KLF15: variants seen among roughly 807,000 people sequenced by gnomAD.
KLF15 encodes the protein KLF transcription factor 15.
A neutral mutation model predicts 24.6 loss-of-function variants in KLF15; 4 were observed. The observed-to-expected ratio is 0.16, with a 90% confidence interval of 0.08 to 0.37. The LOEUF is 0.37. Among genes scored for constraint, KLF15 ranks in the 10% least tolerant of loss-of-function variants. KLF15 has a pLI of 1.00. For synonymous variants in KLF15, 246 were observed against 236.3 expected (o/e 1.04, Z -0.37); for missense variants, 496 against 560.6 (o/e 0.88, Z 1.16).
intron 2 of KLF15, among the ~76,000 whole-genome samples, chr3:126,346,304 C>G (rs1193135232): frequency 6.6e-6 from 1 of 151,746 alleles, no homozygotes; most frequent in Non-Finnish European, 1.5e-5. Flanking sequence ...CTGGGGTCAC[C>G]CAGCATCTCA....
Position 126,343,721 on chromosome 3 carries a change from G to T in KLF15, c.*6C>A. 1 of 1,609,346 alleles carries T rather than the reference G, an allele frequency of 6.2e-7. No individual in the cohort carries two copies. Among genetic ancestry groups the T allele is most frequent in the Non-Finnish European group, 8.5e-7 (1 of 1,178,802 alleles). Reference sequence around the variant, plus strand: ...GGTGACGGACAGGCTGGGGTTCAGGGCGCTTTCAGTTCACGGAGCGCACGG... The same window carrying T: ...GGTGACGGACAGGCTGGGGTTCAGGTCGCTTTCAGTTCACGGAGCGCACGG... On this transcript the variant is annotated 3_prime_UTR_variant, in exon 3 of 3. Coordinates refer to ENST00000296233, the MANE Select transcript of KLF15 (RefSeq NM_014079.4).
the KLF15 span, among the ~76,000 whole-genome samples, chr3:126,301,537 C>A: frequency 6.6e-6 from 1 of 152,030 alleles, no homozygotes; most frequent in South Asian, 2.1e-4. Flanking sequence ...CACTCTCTCA[C>A]CCTCTCTGTT....
rs1031541915 is a variant in KLF15, at chr3:126,356,474, C to G, written c.-26+763G>C. Reference sequence around the variant, plus strand: ...ATGGGATGGGGACGGCCTCTCTGCCCCGCCGCCGCCATCCCTCGGTCAGGC... The same window carrying G: ...ATGGGATGGGGACGGCCTCTCTGCCGCGCCGCCGCCATCCCTCGGTCAGGC... On this transcript the variant is annotated intron_variant, in intron 1 of 2. Coordinates refer to ENST00000296233, the MANE Select transcript of KLF15 (RefSeq NM_014079.4). The surrounding 1 kb of genome is among the most constrained non-coding windows in gnomAD (Gnocchi z 4.4). Among the ~76,000 whole-genome samples the G allele has an allele frequency of 1.3e-5, 2 of 152,128 alleles. No individual in the cohort carries two copies.
At chr3:126,318,562 C>T in the KLF15 span, among the ~76,000 whole-genome samples, 54 of 152,142 alleles carry the variant, frequency 3.5e-4, no homozygotes, top group African/African-American at 1.2e-3. Context: ...CAGTGTTGGC[C>T]GACACGTGGC....
chr3:126,320,595 A>G, the KLF15 span, among the ~76,000 whole-genome samples: 1 of 152,238 alleles, frequency 6.6e-6, no homozygotes, highest in Non-Finnish European at 1.5e-5. Flanking sequence ...AGATGCACAC[A>G]CGAGCACACT....
At chr3:126,315,461 C>T in the KLF15 span, among the ~76,000 whole-genome samples, 4 of 152,066 alleles carry the variant, frequency 2.6e-5, no homozygotes, top group African/African-American at 9.7e-5. Flanking sequence ...GGGGGAGGGG[C>T]GGGACCTAGG....
the KLF15 span, among the ~76,000 whole-genome samples, chr3:126,303,803 GTTTA>G: frequency 1.3e-5 from 2 of 151,112 alleles, no homozygotes; most frequent in African/African-American, 2.4e-5. Context: ...CTGATGTACT[GTTTA>G]TTTATTTTAT....
chr3:126,310,557 G>A, the KLF15 span, among the ~76,000 whole-genome samples: 4 of 152,168 alleles, frequency 2.6e-5, no homozygotes, highest in Admixed American at 6.5e-5. Flanking sequence ...GTAAACAACA[G>A]ACGCTTATTT....
the KLF15 span, among the ~76,000 whole-genome samples, chr3:126,304,050 T>C: frequency 3.5e-4 from 54 of 152,354 alleles, no homozygotes; most frequent in East Asian, 7.3e-3. Context: ...CAGTTCTGAT[T>C]TGCTTTTGAT....
At chr3:126,335,274 C>A in the KLF15 span, among the ~76,000 whole-genome samples, 3 of 147,434 alleles carry the variant, frequency 2.0e-5, no homozygotes, top group South Asian at 6.9e-4. Flanking sequence ...TCAACATATG[C>A]AAATCAATAA....
At chr3:126,331,440 T>C in the KLF15 span, among the ~76,000 whole-genome samples, 11 of 152,256 alleles carry the variant, frequency 7.2e-5, no homozygotes, top group South Asian at 1.9e-3. Context: ...CTTCCCACGG[T>C]TGAGTATTTA....
rs1286801823 is a variant in KLF15, at chr3:126,357,250, A to G, written c.-39T>C. 1 of 148,364 alleles carries G rather than the reference A, an allele frequency of 6.7e-6. No individual in the cohort carries two copies. The highest frequency in any genetic ancestry group is 1.5e-5 in the Non-Finnish European group (1 of 66,860). 9.2% of individuals were successfully genotyped at this position (148,364 alleles called of 1,614,324 possible). A position where few individuals can be genotyped will look rare whatever the true frequency, so the allele number is the denominator to read the frequency against. On this transcript the variant is annotated 5_prime_UTR_variant, in exon 1 of 3. Transcript: ENST00000296233. The stretch of plus-strand genomic sequence containing the variant: ...CGCCTCTCCCACCTGAACTTGGCGC[A>G]CGCCGGACCGGCGGCCAGGCCCCGG...
intron 2 of KLF15, among the ~76,000 whole-genome samples, chr3:126,347,973 G>A (rs944431319): frequency 6.6e-6 from 1 of 152,206 alleles, no homozygotes; most frequent in Admixed American, 6.5e-5. Flanking sequence ...TAGGCCACCA[G>A]GAAGAAGAGA....
At chr3:126,306,287 C>T in the KLF15 span, among the ~76,000 whole-genome samples, 1 of 152,176 alleles carries the variant, frequency 6.6e-6, no homozygotes, top group Non-Finnish European at 1.5e-5. Flanking sequence ...GGAGTCTTTA[C>T]TCCCCTTGAC....
chr3:126,337,705 A>G (rs1242947370), downstream of KLF15, among the ~76,000 whole-genome samples: 3 of 152,226 alleles, frequency 2.0e-5, no homozygotes, highest in Non-Finnish European at 4.4e-5. Context: ...AATTGCCACC[A>G]ACAACTACAG....
At chr3:126,318,507 G>A in the KLF15 span, among the ~76,000 whole-genome samples, 4 of 152,248 alleles carry the variant, frequency 2.6e-5, no homozygotes, top group East Asian at 1.9e-4. Flanking sequence ...TGACCTAAGG[G>A]GAAGGGTGAT....
the KLF15 span, among the ~76,000 whole-genome samples, chr3:126,330,780 G>A: frequency 3.3e-5 from 5 of 152,164 alleles, no homozygotes; most frequent in Admixed American, 2.0e-4. Context: ...TACCTGGAGT[G>A]AATTTTCTGT....
chr3:126,314,506 C>T, the KLF15 span, among the ~76,000 whole-genome samples: 53,782 of 152,052 alleles, frequency 0.35, 10,541 homozygotes, highest in Non-Finnish European at 0.45. Flanking sequence ...GGCTCCCACA[C>T]AGGGACCCAC....
At chr3:126,339,832 G>A (rs1420572044), downstream of KLF15, among the ~76,000 whole-genome samples, 4 of 152,198 alleles carry the variant, frequency 2.6e-5, no homozygotes, top group East Asian at 7.7e-4. Context: ...AACAGACAGT[G>A]ATGGCATTGC....
Sources: gnomAD v4.1 joint callset for allele counts (sites outside exome capture counted in the v4.1 genomes callset) on GRCh38, gnomAD v4.1.1 for gene constraint, Gnocchi (gnomAD v3.1) non-coding constraint, MANE v1.5 for transcripts, NCBI Gene and HGNC (gene_info 2026-07-23, HGNC 2026-07-21) for gene names.